The following DSG2 variants were observed in gnomAD, a reference collection of about 807,000 sequenced individuals.
The protein encoded by DSG2 is desmoglein-2.
A neutral mutation model predicts 75.6 loss-of-function variants in DSG2; 45 were observed. The ratio of observed to expected loss-of-function variants is 0.60; its 90% CI spans 0.47 to 0.76. The LOEUF (loss-of-function observed/expected upper bound fraction) is 0.76, where lower values mean the gene tolerates loss of function less well. Among genes scored for constraint, DSG2 ranks in the 30% least tolerant of loss-of-function variants. The pLI, the probability that DSG2 is intolerant of heterozygous loss-of-function variation, is 0.00. For synonymous variants in DSG2, 429 were observed against 483.9 expected, an observed-to-expected ratio of 0.89 and a Z score of 1.49; for missense variants, 1,267 against 1,357.4, an observed-to-expected ratio of 0.93 and a Z score of 1.05.
In DSG2 at chr18:31,546,655, T is replaced by C; in HGVS notation, c.3269T>C (p.Leu1090Ser). The C allele has an allele frequency of 6.2e-7, 1 of 1,614,216 alleles. No individual in the cohort carries two copies. The highest frequency in any genetic ancestry group is 1.1e-5 in the South Asian group (1 of 91,088). Reference sequence around the variant, plus strand: ...CCTGGCCCTCTGCCAGATTTTGGTTTAGAGGAATCTGGTCATTCTAATTCT... The same window carrying C: ...CCTGGCCCTCTGCCAGATTTTGGTTCAGAGGAATCTGGTCATTCTAATTCT... ...GVPGPLPDFG[L>S]EESGHSNSTI... The change falls in exon 15 of 15, where the codon TTA becomes TCA. Residue 1090 changes from leucine to serine, a missense_variant. Transcript: ENST00000261590.
intron 13 of DSG2, chr18:31,542,234 T>G (rs2073272513): frequency 8.3e-6 from 4 of 479,174 alleles, no homozygotes; most frequent in African/African-American, 2.0e-5. Context: ...GGTATCAAAC[T>G]GTAGAGGGAG....
intron 8 of DSG2, 54 bp downstream of exon 8, chr18:31,524,942 T>G (rs1261479632): frequency 6.5e-7 from 1 of 1,542,906 alleles, no homozygotes; most frequent in African/African-American, 1.4e-5. Context: ...TGGAAAGGAA[T>G]CTAATATATT....
chr18:31,538,397 T>A lies in DSG2; in HGVS notation c.1652-354T>A, dbSNP rs951200116. Among the ~76,000 whole-genome samples the A allele has an allele frequency of 1.2e-4, 18 of 152,294 alleles. No homozygotes were observed. The East Asian group carries it at 3.5e-3, about 29-fold the overall frequency. ...TTGAAAAATTGCCTTAATGAAGTTT[T>A]TTTTTAAAGAAATGGTAAAATAAAG... On this transcript the variant is annotated intron_variant, in intron 11 of 14. Coordinates refer to ENST00000261590, the MANE Select transcript of DSG2 (RefSeq NM_001943.5).
At position 31,531,064 on chromosome 18, in the gene DSG2, T is replaced by G; in HGVS notation, c.1092T>G (p.Ile364Met). The G allele has an allele frequency of 6.2e-7, 1 of 1,614,118 alleles. No individual in the cohort carries two copies. The highest frequency in any genetic ancestry group is 8.5e-7 in the Non-Finnish European group (1 of 1,179,984). ...ATAAAGCAGCTTTTCACAAGTCGAT[T>G]AGGAGTAAATACAAGCCTACACCCA... ...VANKAAFHKS[I>M]RSKYKPTPIP... Residue 364 changes from isoleucine to methionine, a missense_variant, in exon 9 of 15, where the codon ATT (isoleucine) becomes ATG (methionine). Transcript: ENST00000261590.
At chr18:31,499,501 T>A (rs2073003143) in intron 1 of DSG2, among the ~76,000 whole-genome samples, 1 of 152,170 alleles carries the variant, frequency 6.6e-6, no homozygotes, top group African/African-American at 2.4e-5. Context: ...ATTTTCATGC[T>A]CTATTTATCC....
At chr18:31,540,405 C>T (rs2073258823) in intron 12 of DSG2, among the ~76,000 whole-genome samples, 1 of 152,218 alleles carries the variant, frequency 6.6e-6, no homozygotes, top group Non-Finnish European at 1.5e-5. Flanking sequence ...TAGGTAGGTA[C>T]TGGAGCTGGG....
At chr18:31,522,401 A>G (rs903279525) in intron 6 of DSG2, 152 bp downstream of exon 6, 6 of 738,360 alleles carry the variant, frequency 8.1e-6, no homozygotes, top group South Asian at 1.8e-5. Flanking sequence ...GTGCTGTCCA[A>G]TATGGGCCAT....
intron 12 of DSG2, among the ~76,000 whole-genome samples, chr18:31,539,902 G>C (rs373546931): frequency 6.6e-6 from 1 of 152,038 alleles, no homozygotes. Context: ...GCTGGCATTC[G>C]ATTCTTATAG....
intron 1 of DSG2, among the ~76,000 whole-genome samples, chr18:31,502,387 T>C (rs1040777112): frequency 6.6e-6 from 1 of 152,146 alleles, no homozygotes; most frequent in Non-Finnish European, 1.5e-5. Context: ...CATAGAAAAA[T>C]TTACATGGGA....
chr18:31,518,539 C>A (rs78675724), intron 2 of DSG2, among the ~76,000 whole-genome samples: 1,674 of 152,020 alleles, frequency 0.011, 33 homozygotes, highest in African/African-American at 0.038. Context: ...AAAATCGGGG[C>A]AAAATAAGAT....
In DSG2 at chr18:31,520,908, A is replaced by G. The variant is rs765751986; in HGVS notation, c.322A>G (p.Thr108Ala). Reference sequence around the variant, plus strand: ...TGGTATATTTGTCTTTAACAAAGATACTGGAGAACTGAATGTTACCAGCAT... The same window carrying G: ...TGGTATATTTGTCTTTAACAAAGATGCTGGAGAACTGAATGTTACCAGCAT... Reference protein sequence around the residue: ...PFGIFVFNKDTGELNVTSILD... With the variant: ...PFGIFVFNKDAGELNVTSILD... Residue 108 changes from threonine (T) to alanine (A), a missense_variant, in exon 4 of 15, where the codon ACT (threonine) becomes GCT (alanine). Physicochemically the swap from Thr to Ala is moderately conservative, Grantham distance 58. Transcript: ENST00000261590. 1 of 1,613,956 alleles carries G rather than the reference A, an allele frequency of 6.2e-7. No individual in the cohort carries two copies. The highest frequency in any genetic ancestry group is 1.1e-5 in the South Asian group (1 of 91,070).
intron 3 of DSG2, among the ~76,000 whole-genome samples, chr18:31,520,324 G>A (rs114834778): frequency 2.3e-3 from 355 of 152,242 alleles, no homozygotes; most frequent in African/African-American, 8.0e-3. Flanking sequence ...TGAGACAGTC[G>A]TGGTTTATGC....
At chr18:31,534,048 T>A (rs2073213984) in intron 9 of DSG2, among the ~76,000 whole-genome samples, 1 of 149,020 alleles carries the variant, frequency 6.7e-6, no homozygotes, top group Non-Finnish European at 1.5e-5. Context: ...TGGAGTGCAG[T>A]GGCACGATCT....
chr18:31,512,317 A>G (rs542703208), intron 1 of DSG2, among the ~76,000 whole-genome samples: 1 of 152,192 alleles, frequency 6.6e-6, no homozygotes, highest in Non-Finnish European at 1.5e-5. Flanking sequence ...ATTTGCCCTC[A>G]TTCATTCCAT....
At chr18:31,509,107 G>T (rs1219751747) in intron 1 of DSG2, among the ~76,000 whole-genome samples, 1 of 152,208 alleles carries the variant, frequency 6.6e-6, no homozygotes, top group East Asian at 1.9e-4. Flanking sequence ...AATAGGAACT[G>T]TCCATGAATA....
At position 31,542,528 on chromosome 18, in the gene DSG2, A is replaced by G. The variant is rs777621113; in HGVS notation, c.2010A>G (p.Pro670=). 3 of 1,613,794 alleles carry G rather than the reference A, an allele frequency of 1.9e-6. No individual in the cohort carries two copies. Among genetic ancestry groups the G allele is most frequent in the African/African-American group, 2.7e-5 (2 of 74,912 alleles). Residue 670 remains proline (P), a synonymous_variant, in exon 14 of 15, where the codon CCA becomes CCG. Transcript: ENST00000261590. ...EGAPPEDKVV[P]SFLPVDQGGS... is the part of the protein sequence containing the mutation. ...TGTGTTTGCTCTCACAGGTGGTGCC[A>G]TCATTTCTGCCAGTGGATCAAGGGG...
In DSG2 at chr18:31,542,697, G is replaced by C; in HGVS notation, c.2179G>C (p.Gly727Arg). The change falls in exon 14 of 15, where the codon GGT becomes CGT. Residue 727 changes from glycine (G) to arginine (R), a missense_variant. Physicochemically the swap from Gly to Arg is moderately radical, Grantham distance 125. Transcript: ENST00000261590. Reference protein sequence around the residue: ...RWEEHRSLLSGRATQFTGATG... With the variant: ...RWEEHRSLLSRRATQFTGATG... ...GGAAGAACACAGAAGCCTGCTTTCT[G>C]GTAGAGCTACCCAGTTTACAGGGGC... 6.2e-7 allele frequency: 1 copy of C among 1,614,164 alleles called. No homozygotes were observed.
At position 31,524,575 on chromosome 18, in the gene DSG2, A is replaced by G. The variant is rs1378917051; in HGVS notation, c.818A>G (p.Glu273Gly). 6.2e-7 allele frequency: 1 copy of G among 1,613,978 alleles called. No homozygotes were observed. Among genetic ancestry groups the G allele is most frequent in the Admixed American group, 1.7e-5 (1 of 60,028 alleles). The change falls in exon 7 of 15, where the codon GAA becomes GGA. Residue 273 changes from glutamate to glycine, a missense_variant. By Grantham distance (98) the Glu-to-Gly change is moderately conservative. Transcript: ENST00000261590. ...GTCAATGACAATATACCTGTAGTAGAAAATAAAGTGGTAACTATTATTCTT... is the reference window on the plus strand; with the variant it reads ...GTCAATGACAATATACCTGTAGTAGGAAATAAAGTGGTAACTATTATTCTT... ...LDVNDNIPVV[E>G]NKVLEGMVEE...
At chr18:31,526,378 A>G (rs1407474911) in intron 8 of DSG2, among the ~76,000 whole-genome samples, 2 of 152,200 alleles carry the variant, frequency 1.3e-5, no homozygotes, top group East Asian at 1.9e-4. Context: ...TAAATGTATA[A>G]CAGAATAGGG....
Sources: allele counts gnomAD v4.1 joint callset (sites outside exome capture counted in the v4.1 genomes callset), GRCh38; gene constraint gnomAD v4.1.1; transcripts MANE v1.5; gene names NCBI Gene and HGNC (gene_info 2026-07-23, HGNC 2026-07-21).